AFDN: variants seen among roughly 807,000 people sequenced by gnomAD.
The protein encoded by AFDN is afadin, adherens junction formation factor.
In AFDN, 68 loss-of-function variants were observed where a neutral mutation model predicts 216.6. The observed-to-expected ratio is 0.31, with a 90% CI of 0.26 to 0.38. The LOEUF is 0.38. Ranked by LOEUF, AFDN falls within the 10% of genes least tolerant of loss-of-function variation. The probability of loss-of-function intolerance (pLI) is 1.00; values close to 1 mark genes in which losing one functional copy is unlikely to be tolerated. For missense variants in AFDN, 2,136 were observed against 2,342.0 expected, an observed-to-expected ratio of 0.91 and a Z score of 1.82; for synonymous variants, 868 against 853.7, an observed-to-expected ratio of 1.02 and a Z score of -0.29.
intron 11 of AFDN, among the ~76,000 whole-genome samples, chr6:167,899,948 G>GT (rs1468433626): frequency 6.6e-6 from 1 of 152,162 alleles, no homozygotes; most frequent in Non-Finnish European, 1.5e-5. Flanking sequence ...TGCTTGTAAT[G>GT]TTTTTATATG....
chr6:167,868,746 A>G (rs1219864265), intron 2 of AFDN, among the ~76,000 whole-genome samples: 2 of 145,838 alleles, frequency 1.4e-5, no homozygotes, highest in African/African-American at 5.0e-5. Flanking sequence ...TTTTACTATC[A>G]TCAGCATTGT....
intron 9 of AFDN, among the ~76,000 whole-genome samples, 178 bp from the exon 10 acceptor site, chr6:167,896,700 T>C (rs1029920816): frequency 6.6e-6 from 1 of 152,236 alleles, no homozygotes; most frequent in African/African-American, 2.4e-5. Context: ...TTATTTCTTA[T>C]TTTGAATTTT....
chr6:167,881,937 C>A (rs916886722), intron 6 of AFDN, among the ~76,000 whole-genome samples: 2 of 152,142 alleles, frequency 1.3e-5, no homozygotes, highest in African/African-American at 4.8e-5. Context: ...CAACAGTAAC[C>A]CTTGCCCACA....
At chr6:167,893,132 A>G (rs1787817130) in intron 8 of AFDN, among the ~76,000 whole-genome samples, 1 of 152,176 alleles carries the variant, frequency 6.6e-6, no homozygotes, top group Admixed American at 6.5e-5. Flanking sequence ...TCTGAAGTTC[A>G]GGTCTGGTGC....
chr6:167,940,275 A>T (rs1346790295), intron 23 of AFDN, among the ~76,000 whole-genome samples: 1 of 142,628 alleles, frequency 7.0e-6, no homozygotes, highest in African/African-American at 2.6e-5. Context: ...AGAGGGATGT[A>T]GGGGTGAGGG....
At chr6:167,838,442 C>T in intron 1 of AFDN, among the ~76,000 whole-genome samples, 1 of 152,334 alleles carries the variant, frequency 6.6e-6, no homozygotes, top group South Asian at 2.1e-4. Context: ...AAACAATAAA[C>T]AAAATGTGTT....
chr6:167,925,391 T>G (rs1562685405), intron 23 of AFDN, among the ~76,000 whole-genome samples: 1 of 151,992 alleles, frequency 6.6e-6, no homozygotes, highest in East Asian at 1.9e-4. Flanking sequence ...ATTCGCACAG[T>G]GAGGAGAGAA....
At chr6:167,868,325 TA>T (rs1396327667) in intron 2 of AFDN, among the ~76,000 whole-genome samples, 2 of 152,190 alleles carry the variant, frequency 1.3e-5, no homozygotes, top group Non-Finnish European at 2.9e-5. Flanking sequence ...GTTGGAGGGC[TA>T]CTTAAAATCA....
chr6:167,894,611 CT>C (rs542656824), intron 9 of AFDN, among the ~76,000 whole-genome samples: 161 of 152,168 alleles, frequency 1.1e-3, no homozygotes, highest in Non-Finnish European at 2.0e-3. Context: ...TCTTCAAAAT[CT>C]GTAACAGCTT....
chr6:167,954,120 T>C (rs1279812930), intron 30 of AFDN, among the ~76,000 whole-genome samples: 1 of 152,242 alleles, frequency 6.6e-6, no homozygotes, highest in Non-Finnish European at 1.5e-5. Context: ...ATTTGGAAAG[T>C]TTCTTATGAA....
In AFDN at chr6:167,946,779, A is replaced by T; in HGVS notation, c.3431A>T (p.Gln1144Leu). ...EGFELYNNST[Q>L]NGSPESPQLP... The stretch of plus-strand genomic sequence containing the variant: ...TTTGAGCTCTATAATAATTCAACTC[A>T]AAATGGGTCTCCTGAGAGTCCTCAG... Residue 1144 changes from glutamine to leucine, a missense_variant, in exon 27 of 34, where the codon CAA (glutamine) becomes CTA (leucine). Physicochemically the swap from Gln to Leu is moderately radical, Grantham distance 113 (BLOSUM62 -2). Coordinates refer to ENST00000683244, the MANE Select transcript of AFDN (RefSeq NM_001386888.1). The T allele has an allele frequency of 6.2e-7, 1 of 1,614,000 alleles. No individual in the cohort carries two copies. The highest frequency in any genetic ancestry group is 8.5e-7 in the Non-Finnish European group (1 of 1,179,960).
Position 167,872,380 on chromosome 6 carries a change from AAGTC to A in AFDN, c.578+7_578+10del, listed in dbSNP as rs760697884. The A allele has an allele frequency of 8.1e-6, 13 of 1,600,570 alleles. No homozygotes were observed. The highest frequency in any genetic ancestry group is 1.1e-5 in the Non-Finnish European group (13 of 1,176,472). On this transcript the variant is annotated splice_donor_5th_base_variant and intron_variant, in intron 4 of 33. Coordinates refer to ENST00000683244, the MANE Select transcript of AFDN (RefSeq NM_001386888.1). Reference sequence around the variant, plus strand: ...AGACCTTTCCAAGGGGAGGATGTGTAAGTCAGTTTTGGAAATGTTCCCCTTTCTT... The same window carrying A: ...AGACCTTTCCAAGGGGAGGATGTGTAAGTTTTGGAAATGTTCCCCTTTCTT...
chr6:167,896,452 C>T (rs1432461462), intron 9 of AFDN, among the ~76,000 whole-genome samples: 2 of 152,170 alleles, frequency 1.3e-5, no homozygotes, highest in Non-Finnish European at 2.9e-5. Flanking sequence ...TTTAGCTGTG[C>T]CCTCAACCTG....
chr6:167,942,271 G>A (rs912050994), intron 23 of AFDN, among the ~76,000 whole-genome samples: 1 of 152,176 alleles, frequency 6.6e-6, no homozygotes, highest in African/African-American at 2.4e-5. Context: ...GTGTTGAATC[G>A]TATCTTCGTA....
intron 1 of AFDN, among the ~76,000 whole-genome samples, chr6:167,853,325 T>C (rs1583163442): frequency 6.6e-6 from 1 of 152,108 alleles, no homozygotes; most frequent in Non-Finnish European, 1.5e-5. Context: ...ATTGCCAGTA[T>C]TATTACTAAC....
At chr6:167,873,702 A>G (rs1257453104) in intron 4 of AFDN, among the ~76,000 whole-genome samples, 1 of 152,216 alleles carries the variant, frequency 6.6e-6, no homozygotes, top group African/African-American at 2.4e-5. Context: ...ACAGAACAGT[A>G]TATTATCTCT....
intron 1 of AFDN, among the ~76,000 whole-genome samples, chr6:167,860,119 A>G (rs1412741309): frequency 1.4e-5 from 2 of 147,734 alleles, no homozygotes; most frequent in South Asian, 2.1e-4. Context: ...GCTGCTTCCA[A>G]GTAAGCTCTT....
At chr6:167,908,252 T>C (rs1412804098) in intron 13 of AFDN, among the ~76,000 whole-genome samples, 7 of 152,234 alleles carry the variant, frequency 4.6e-5, no homozygotes. Flanking sequence ...AGTTCTTCAG[T>C]TTCCCAACTT....
intron 21 of AFDN, among the ~76,000 whole-genome samples, chr6:167,922,250 CT>C (rs565896129): frequency 2.4e-3 from 360 of 152,244 alleles, no homozygotes; most frequent in African/African-American, 8.4e-3. Context: ...TCATTTGTCC[CT>C]GATGAAAATA....
Sources: allele counts gnomAD v4.1 joint callset (sites outside exome capture counted in the v4.1 genomes callset), GRCh38; gene constraint gnomAD v4.1.1; transcripts MANE v1.5; gene names NCBI Gene and HGNC (gene_info 2026-07-23, HGNC 2026-07-21).